HDAC9: variants seen among roughly 807,000 people sequenced by gnomAD.
HDAC9 encodes the protein histone deacetylase 9.
In HDAC9, 41 loss-of-function variants were observed where a neutral mutation model predicts 139.4. That is an observed-to-expected ratio of 0.29 (90% CI 0.23 to 0.38). The LOEUF (loss-of-function observed/expected upper bound fraction) is 0.38, where lower values mean the gene tolerates loss of function less well. Ranked by LOEUF, HDAC9 falls within the 10% of genes least tolerant of loss-of-function variation. The pLI is 1.00. For missense variants in HDAC9, 1,147 were observed against 1,297.0 expected (o/e 0.88, Z 1.78); for synonymous variants, 517 against 476.2 (o/e 1.09, Z -1.12).
At chr7:18,218,031 A>G (rs764045372) in intron 2 of HDAC9, among the ~76,000 whole-genome samples, 9 of 152,174 alleles carry the variant, frequency 5.9e-5, no homozygotes, top group Non-Finnish European at 1.5e-5. Context: ...TTAGTTCCTC[A>G]CTGGCTATTG....
At chr7:18,388,402 T>C (rs560807051) in intron 1 of HDAC9, among the ~76,000 whole-genome samples, 4 of 152,144 alleles carry the variant, frequency 2.6e-5, no homozygotes, top group Non-Finnish European at 4.4e-5. Context: ...AGCCCCAATA[T>C]TGTTTTGTGC....
chr7:18,456,966 A>T (rs1379981193), intron 1 of HDAC9, among the ~76,000 whole-genome samples: 3 of 152,176 alleles, frequency 2.0e-5, no homozygotes, highest in Non-Finnish European at 4.4e-5. Context: ...GGAGTCACAC[A>T]TAGTTTTATC....
chr7:18,988,198 T>G (rs988004567), intron 25 of HDAC9, among the ~76,000 whole-genome samples: 1 of 152,226 alleles, frequency 6.6e-6, no homozygotes, highest in African/African-American at 2.4e-5. Context: ...TTGTGGGCAT[T>G]TAGTGCTGTA....
chr7:18,338,038 C>A (rs1166214712), intron 1 of HDAC9, among the ~76,000 whole-genome samples: 1 of 151,656 alleles, frequency 6.6e-6, no homozygotes, highest in Non-Finnish European at 1.5e-5. Flanking sequence ...TAAGGCATTA[C>A]TATTTTTCAC....
intron 14 of HDAC9, among the ~76,000 whole-genome samples, chr7:18,754,953 A>C (rs775373307): frequency 6.6e-6 from 1 of 152,172 alleles, no homozygotes; most frequent in Non-Finnish European, 1.5e-5. Context: ...CTGCAAGTTA[A>C]TGGAAATTCA....
chr7:18,482,380 C>CCAAAAAAAAA (rs1795626272), intron 1 of HDAC9, among the ~76,000 whole-genome samples: 1 of 32,330 alleles, frequency 3.1e-5, no homozygotes, highest in East Asian at 1.0e-3. Flanking sequence ...CTGGACTCAC[C>CCAAAAAAAAA]AAAAAAAAAA....
chr7:18,387,100 C>A (rs981614174), intron 1 of HDAC9, among the ~76,000 whole-genome samples: 1 of 152,130 alleles, frequency 6.6e-6, no homozygotes, highest in African/African-American at 2.4e-5. Flanking sequence ...AAAGAAGATT[C>A]GAAGAGGAAG....
rs532134794 is a variant in HDAC9 at position 18,785,328 on chromosome 7, C to CA, written c.2215-8006dup. On this transcript the variant is annotated intron_variant, in intron 16 of 25. Transcript: ENST00000686413. ...ATTAAAGTTATTTTTGGTTGTATAC[C>CA]AAAAAAAAAAACCATGCATCGTAGG... 9.2e-3 allele frequency among the ~76,000 whole-genome samples: 1,332 copies of CA among 145,444 alleles called. 10 individuals carry two copies. The highest frequency in any genetic ancestry group is 0.025 in the African/African-American group (986 of 39,704).
chr7:18,282,040 G>C (rs59462312), intron 2 of HDAC9, among the ~76,000 whole-genome samples: 19 of 152,222 alleles, frequency 1.2e-4, no homozygotes, highest in African/African-American at 4.3e-4. Context: ...ATATAGTAAA[G>C]CGTTTAGAAA....
Position 18,217,380 on chromosome 7 carries a change from T to A in HDAC9, c.25+55031T>A, listed in dbSNP as rs553987599. On this transcript the variant is annotated intron_variant, in intron 2 of 12. Transcript: ENST00000417496. Reference sequence around the variant, plus strand: ...TATTTACTGGAATGTAATATTTTAGTATTTGAAATTAACAACTGTTTTTAT... The same window carrying A: ...TATTTACTGGAATGTAATATTTTAGAATTTGAAATTAACAACTGTTTTTAT... 3.5e-4 allele frequency among the ~76,000 whole-genome samples: 53 copies of A among 152,294 alleles called. No homozygotes were observed. The Middle Eastern group carries it at 0.014, about 39-fold the overall frequency.
chr7:18,597,249 A>G (rs772419859), intron 6 of HDAC9, among the ~76,000 whole-genome samples: 1 of 152,136 alleles, frequency 6.6e-6, no homozygotes, highest in Non-Finnish European at 1.5e-5. Context: ...AACAACATCA[A>G]AGGCTTTACA....
chr7:18,559,713 A>T (rs913313986), intron 2 of HDAC9, among the ~76,000 whole-genome samples: 3 of 152,178 alleles, frequency 2.0e-5, no homozygotes, highest in African/African-American at 7.2e-5. Flanking sequence ...GTTGACACCT[A>T]CTTTCCTGGG....
At chr7:18,930,619 T>TAA (rs5882685) in intron 22 of HDAC9, among the ~76,000 whole-genome samples, 4 of 151,442 alleles carry the variant, frequency 2.6e-5, no homozygotes, top group Admixed American at 6.6e-5. Flanking sequence ...ATAATAAAAT[T>TAA]AAAAAAAAAT....
chr7:18,557,867 CAT>C (rs1205371115), intron 2 of HDAC9, among the ~76,000 whole-genome samples: 2 of 151,614 alleles, frequency 1.3e-5, no homozygotes, highest in Non-Finnish European at 2.9e-5. Context: ...CATGTACTAA[CAT>C]ATATTTTTCT....
In HDAC9 at chr7:18,996,738, A is replaced by G. The variant is rs1786486981; in HGVS notation, c.*676A>G. On this transcript the variant is annotated 3_prime_UTR_variant, in exon 26 of 26. Transcript: ENST00000686413. ...CACACACTGTTTGTAATGGTGCAAT[A>G]TTTTATATCACTTTTTTTTAAACAT... 1 of 152,070 alleles carries G rather than the reference A, an allele frequency of 6.6e-6. No homozygotes were observed. The highest frequency in any genetic ancestry group is 6.5e-5 in the Admixed American group (1 of 15,270). 9.4% of individuals were successfully genotyped at this position (152,070 alleles called of 1,614,324 possible).
intron 17 of HDAC9, among the ~76,000 whole-genome samples, chr7:18,800,228 C>T (rs1793168968): frequency 6.6e-6 from 1 of 152,174 alleles, no homozygotes; most frequent in Non-Finnish European, 1.5e-5. Context: ...GTCCATTCAC[C>T]TATCTCTGAA....
At chr7:18,586,318 C>T (rs2128805263) in intron 3 of HDAC9, among the ~76,000 whole-genome samples, 1 of 151,940 alleles carries the variant, frequency 6.6e-6, no homozygotes, top group African/African-American at 2.4e-5. Context: ...AACTTCTTGA[C>T]AAAGACAGTT....
intron 1 of HDAC9, among the ~76,000 whole-genome samples, chr7:18,477,070 C>T (rs1480274466): frequency 2.6e-5 from 4 of 152,166 alleles, no homozygotes; most frequent in Non-Finnish European, 5.9e-5. Flanking sequence ...TCAAAGTAGA[C>T]TTTAGGTGGG....
chr7:18,553,895 G>C (rs182487508), intron 2 of HDAC9, among the ~76,000 whole-genome samples: 1 of 152,104 alleles, frequency 6.6e-6, no homozygotes, highest in African/African-American at 2.4e-5. Flanking sequence ...GTTAAATGCC[G>C]TCTTTATCCT....
Sources: gnomAD v4.1 joint callset for allele counts (sites outside exome capture counted in the v4.1 genomes callset) on GRCh38, gnomAD v4.1.1 for gene constraint, MANE v1.5 for transcripts, NCBI Gene and HGNC (gene_info 2026-07-23, HGNC 2026-07-21) for gene names.